Variants in PPM1B observed in about 807,000 individuals in gnomAD.
The protein encoded by PPM1B is protein phosphatase 1B.
PPM1B carries 22 observed loss-of-function variants against 43.0 expected under a neutral mutation model. The observed-to-expected ratio is 0.51, with a 90% CI of 0.37 to 0.73. The LOEUF (loss-of-function observed/expected upper bound fraction) is 0.73. PPM1B is among the 30% of genes least tolerant of loss of function. The pLI is 0.00. For synonymous variants in PPM1B, 217 were observed against 197.9 expected (o/e 1.10, Z -0.81); for missense variants, 632 against 584.2 (o/e 1.08, Z -0.84).
chr2:44,226,212 T>A (rs969304488), intron 5 of PPM1B, among the ~76,000 whole-genome samples: 4 of 152,016 alleles, frequency 2.6e-5, no homozygotes, highest in African/African-American at 9.7e-5. Flanking sequence ...CTTGACCTCA[T>A]GATCTGCCTG....
chr2:44,195,425 G>A (rs1228948685), intron 1 of PPM1B, among the ~76,000 whole-genome samples: 4 of 151,756 alleles, frequency 2.6e-5, no homozygotes, highest in Non-Finnish European at 4.4e-5. Context: ...TTGCCCAGGC[G>A]GTCTTGAACT....
chr2:44,242,395 C>A (rs914060487), intron 5 of PPM1B, among the ~76,000 whole-genome samples: 1 of 151,982 alleles, frequency 6.6e-6, no homozygotes, highest in African/African-American at 2.4e-5. Context: ...TTTTTATTTT[C>A]TCCTTAAAAA....
chr2:44,227,173 C>G (rs1368710067), intron 5 of PPM1B, among the ~76,000 whole-genome samples: 1 of 151,734 alleles, frequency 6.6e-6, no homozygotes, highest in Non-Finnish European at 1.5e-5. Context: ...CGGGGTCTCC[C>G]CGTGTTGCTC....
chr2:44,242,400 TAAAA>T (rs1167941498), intron 5 of PPM1B, among the ~76,000 whole-genome samples: 3 of 152,150 alleles, frequency 2.0e-5, no homozygotes, highest in East Asian at 3.8e-4. Flanking sequence ...ATTTTCTCCT[TAAAA>T]AAGGTAAAGA....
chr2:44,192,910 A>G (rs1668474628), intron 1 of PPM1B, among the ~76,000 whole-genome samples: 1 of 152,118 alleles, frequency 6.6e-6, no homozygotes. Flanking sequence ...TTCTTTTTTT[A>G]AGGCTGAACA....
At chr2:44,217,478 T>C (rs1035749200) in intron 3 of PPM1B, among the ~76,000 whole-genome samples, 2 of 152,150 alleles carry the variant, frequency 1.3e-5, no homozygotes, top group Non-Finnish European at 2.9e-5. Flanking sequence ...ATTTCTCCCC[T>C]TTTTCTTATA....
At chr2:44,193,826 G>A (rs1486843203) in intron 1 of PPM1B, among the ~76,000 whole-genome samples, 4 of 151,932 alleles carry the variant, frequency 2.6e-5, no homozygotes, top group South Asian at 2.1e-4. Context: ...TGATCCACCC[G>A]CCTCGGCCTC....
chr2:44,224,181 C>T (rs1199402915), intron 5 of PPM1B, among the ~76,000 whole-genome samples: 1 of 152,116 alleles, frequency 6.6e-6, no homozygotes, highest in Non-Finnish European at 1.5e-5. Flanking sequence ...ATGGGCCGGG[C>T]ACAGTGGCTC....
intron 4 of PPM1B, 118 bp downstream of exon 4, chr2:44,218,196 T>C (rs1669813988): frequency 2.6e-6 from 2 of 763,746 alleles, no homozygotes; most frequent in East Asian, 5.4e-5. Context: ...GGGTTAGTGT[T>C]TCTTATACTA....
chr2:44,176,566 A>G (rs950338431), intron 1 of PPM1B, among the ~76,000 whole-genome samples: 1 of 152,278 alleles, frequency 6.6e-6, no homozygotes, highest in Middle Eastern at 3.4e-3. Flanking sequence ...GGCGTATTGC[A>G]CTTAGATGTG....
At chr2:44,196,389 A>G (rs1359282856) in intron 1 of PPM1B, among the ~76,000 whole-genome samples, 2 of 152,144 alleles carry the variant, frequency 1.3e-5, no homozygotes, top group Non-Finnish European at 2.9e-5. Context: ...TTTGTTTTGG[A>G]GGAAGACCAC....
chr2:44,222,007 G>T (rs10445926), intron 5 of PPM1B, among the ~76,000 whole-genome samples: 36 of 151,650 alleles, frequency 2.4e-4, no homozygotes, highest in Non-Finnish European at 3.1e-4. Flanking sequence ...TGTAACAAAG[G>T]GTTTAGCCAG....
intron 2 of PPM1B, among the ~76,000 whole-genome samples, chr2:44,205,273 C>T (rs1329628536): frequency 2.1e-4 from 32 of 151,698 alleles, no homozygotes; most frequent in Admixed American, 2.0e-3. Flanking sequence ...AGTTTTCTGA[C>T]TCAAGTTTAG....
chr2:44,204,461 C>T (rs945649363), intron 2 of PPM1B, among the ~76,000 whole-genome samples: 4 of 152,076 alleles, frequency 2.6e-5, no homozygotes, highest in Non-Finnish European at 5.9e-5. Flanking sequence ...CATCACTTGT[C>T]ATACTTTCAT....
At chr2:44,234,224 A>G, downstream of PPM1B, 1 of 983,140 alleles carries the variant, frequency 1.0e-6, no homozygotes, top group Non-Finnish European at 1.2e-6. Context: ...ACTCCTTTTA[A>G]AAAAACCTGC....
intron 5 of PPM1B, among the ~76,000 whole-genome samples, chr2:44,220,443 C>T (rs1462158964): frequency 1.3e-5 from 2 of 151,948 alleles, no homozygotes; most frequent in Non-Finnish European, 2.9e-5. Flanking sequence ...AACTATGAAA[C>T]TGGGGGGAAA....
At chr2:44,246,082 C>T (rs909196835), downstream of PPM1B, among the ~76,000 whole-genome samples, 3 of 152,168 alleles carry the variant, frequency 2.0e-5, no homozygotes, top group African/African-American at 4.8e-5. Context: ...TATATCCTAA[C>T]GCCAACTGTA....
At chr2:44,171,312 C>T (rs1205380245) in intron 1 of PPM1B, among the ~76,000 whole-genome samples, 1 of 152,156 alleles carries the variant, frequency 6.6e-6, no homozygotes, top group Non-Finnish European at 1.5e-5. Context: ...ATTACATCAT[C>T]TGAAGGAATA....
At chr2:44,233,096 T>G, downstream of PPM1B, 1 of 980,400 alleles carries the variant, frequency 1.0e-6, no homozygotes, top group Non-Finnish European at 1.2e-6. Flanking sequence ...GTTGGAAATT[T>G]TTTAAAGATG....
Sources: allele counts gnomAD v4.1 joint callset (sites outside exome capture counted in the v4.1 genomes callset), GRCh38; gene constraint gnomAD v4.1.1; transcripts MANE v1.5; gene names NCBI Gene and HGNC (gene_info 2026-07-23, HGNC 2026-07-21).